Variants in SPATA13 observed in about 807,000 individuals in gnomAD.
The protein encoded by SPATA13 is spermatogenesis-associated protein 13.
Under a neutral mutation model 104.0 loss-of-function variants are expected in SPATA13, and 50 were observed. The ratio of observed to expected loss-of-function variants is 0.48; its 90% confidence interval spans 0.38 to 0.61. The LOEUF is 0.61. Among genes scored for constraint, SPATA13 ranks in the 20% least tolerant of loss-of-function variants. The pLI is 0.00. For synonymous variants in SPATA13, 606 were observed against 667.5 expected (o/e 0.91, Z 1.42); for missense variants, 1,524 against 1,690.6 (o/e 0.90, Z 1.73).
At chr13:24,269,817 G>A (rs1874480049) in intron 4 of SPATA13, among the ~76,000 whole-genome samples, 1 of 139,328 alleles carries the variant, frequency 7.2e-6, no homozygotes, top group African/African-American at 2.6e-5. Flanking sequence ...TCAAACTCCT[G>A]GGCTCAATTG....
chr13:24,202,568 A>G (rs1404208513), intron 1 of SPATA13, among the ~76,000 whole-genome samples: 21 of 131,434 alleles, frequency 1.6e-4, no homozygotes, highest in Non-Finnish European at 3.2e-4. Flanking sequence ...TTTAAGGTAC[A>G]ATATTAGAAT....
At chr13:24,000,174 C>A (rs564772324) in intron 2 of SPATA13, among the ~76,000 whole-genome samples, 1 of 152,278 alleles carries the variant, frequency 6.6e-6, no homozygotes, top group East Asian at 1.9e-4. Context: ...CTGTGGTGGT[C>A]TAGAAAGGAG....
intron 1 of SPATA13, among the ~76,000 whole-genome samples, chr13:24,206,743 T>C (rs1033214301): frequency 2.0e-5 from 3 of 152,002 alleles, no homozygotes; most frequent in African/African-American, 7.3e-5. Flanking sequence ...AATACAAAAA[T>C]TAGCCAGACG....
intron 1 of SPATA13, among the ~76,000 whole-genome samples, chr13:24,175,778 T>G (rs1868401400): frequency 6.6e-6 from 1 of 152,166 alleles, no homozygotes; most frequent in African/African-American, 2.4e-5. Flanking sequence ...AAAAATAAAC[T>G]AGAGAGACAC....
At chr13:24,207,691 G>C (rs1247077914) in intron 1 of SPATA13, among the ~76,000 whole-genome samples, 4 of 152,168 alleles carry the variant, frequency 2.6e-5, no homozygotes, top group Non-Finnish European at 5.9e-5. Context: ...CAGTATTTGT[G>C]TGACTTGTAA....
At chr13:24,139,382 CACA>C (rs1881678728) in intron 3 of SPATA13, among the ~76,000 whole-genome samples, 2 of 152,238 alleles carry the variant, frequency 1.3e-5, no homozygotes, top group South Asian at 4.1e-4. Flanking sequence ...CTGTTCAGCC[CACA>C]ACAACACTTA....
intron 2 of SPATA13, among the ~76,000 whole-genome samples, chr13:24,244,319 A>G (rs1352753432): frequency 2.0e-5 from 3 of 152,328 alleles, no homozygotes; most frequent in South Asian, 4.1e-4. Flanking sequence ...AGGTACTGGG[A>G]CACTTGCTAT....
chr13:23,993,971 T>G (rs1875544325), intron 2 of SPATA13, among the ~76,000 whole-genome samples: 1 of 24,596 alleles, frequency 4.1e-5, no homozygotes, highest in Admixed American at 5.1e-4. Context: ...GGTGGTGGTG[T>G]TTTTTTTTTT....
At chr13:24,031,823 C>T (rs752776109) in intron 3 of SPATA13, among the ~76,000 whole-genome samples, 5 of 152,192 alleles carry the variant, frequency 3.3e-5, no homozygotes, top group South Asian at 2.1e-4. Flanking sequence ...GATATCTACT[C>T]TGGACACCCT....
At chr13:24,248,909 G>A (rs1017670581) in intron 2 of SPATA13, among the ~76,000 whole-genome samples, 8 of 147,824 alleles carry the variant, frequency 5.4e-5, no homozygotes, top group East Asian at 2.0e-4. Flanking sequence ...AGAAAGAGCC[G>A]TGCTCTTTCA....
intron 3 of SPATA13, among the ~76,000 whole-genome samples, chr13:24,117,612 C>T (rs1353621990): frequency 2.6e-5 from 4 of 152,170 alleles, no homozygotes; most frequent in Non-Finnish European, 5.9e-5. Flanking sequence ...TTTCTCTGAG[C>T]TTTCTTGTCC....
intron 3 of SPATA13, among the ~76,000 whole-genome samples, chr13:24,128,305 C>A (rs546348483): frequency 1.3e-5 from 2 of 152,316 alleles, no homozygotes; most frequent in South Asian, 4.1e-4. Flanking sequence ...GGCTTCATCA[C>A]CAGAAATGCT....
intron 2 of SPATA13, among the ~76,000 whole-genome samples, chr13:24,014,530 T>C (rs1365895746): frequency 1.3e-5 from 2 of 152,226 alleles, no homozygotes; most frequent in South Asian, 2.1e-4. Flanking sequence ...TACAATAAAG[T>C]AAGCTAGAGA....
At chr13:24,227,897 T>A (rs1289727484) in intron 2 of SPATA13, among the ~76,000 whole-genome samples, 1 of 151,716 alleles carries the variant, frequency 6.6e-6, no homozygotes, top group African/African-American at 2.4e-5. Flanking sequence ...CACATCAGGC[T>A]TCCTCTTGTA....
intron 2 of SPATA13, among the ~76,000 whole-genome samples, chr13:24,226,464 G>A (rs1473297813): frequency 6.6e-6 from 1 of 152,222 alleles, no homozygotes; most frequent in African/African-American, 2.4e-5. Context: ...GCTAATAGCT[G>A]TCAAGGTTAC....
Position 24,302,657 on chromosome 13 carries a change from C to G in SPATA13, c.3718C>G (p.His1240Asp). The G allele has an allele frequency of 1.2e-6, 2 of 1,614,050 alleles. No homozygotes were observed. The highest frequency in any genetic ancestry group is 1.7e-6 in the Non-Finnish European group (2 of 1,179,994). ...GGGCCTGCACCCCATCCACCAGCGC[C>G]ACATCACTATGCCCACAAGCGTCCC... ...HQGLHPIHQR[H>D]ITMPTSVPQQ... The change falls in exon 13 of 13, where the codon CAC becomes GAC. Residue 1240 changes from histidine to aspartate, a missense_variant. His to Asp is a moderately conservative substitution (Grantham distance 81, BLOSUM62 -1). Coordinates refer to ENST00000382108, the MANE Select transcript of SPATA13 (RefSeq NM_001166271.3).
intron 3 of SPATA13, among the ~76,000 whole-genome samples, chr13:24,150,784 C>T (rs970255524): frequency 1.3e-5 from 2 of 152,156 alleles, no homozygotes; most frequent in Non-Finnish European, 1.5e-5. Flanking sequence ...CTATGACTGT[C>T]CCCTGATTGG....
At chr13:24,283,539 C>T (rs551583338) in intron 4 of SPATA13, among the ~76,000 whole-genome samples, 11 of 152,202 alleles carry the variant, frequency 7.2e-5, no homozygotes, top group Non-Finnish European at 1.3e-4. Context: ...AGCAGGGTGG[C>T]CAATCTAAAA....
chr13:24,213,416 G>A (rs1440168569), intron 1 of SPATA13, among the ~76,000 whole-genome samples: 1 of 152,118 alleles, frequency 6.6e-6, no homozygotes, highest in Non-Finnish European at 1.5e-5. Flanking sequence ...ACAGGTGTGG[G>A]CCACCATGCC....
Sources: gnomAD v4.1 joint callset for allele counts (sites outside exome capture counted in the v4.1 genomes callset) on GRCh38, gnomAD v4.1.1 for gene constraint, MANE v1.5 for transcripts, NCBI Gene and HGNC (gene_info 2026-07-23, HGNC 2026-07-21) for gene names.